Variants in SNX29 observed in about 807,000 individuals in gnomAD.
SNX29 encodes the protein sorting nexin-29.
SNX29 carries 78 observed loss-of-function variants against 102.1 expected under a neutral mutation model. That is an observed-to-expected ratio of 0.76 (90% CI 0.64 to 0.92). SNX29 has a LOEUF of 0.92. SNX29 is among the 40% of genes least tolerant of loss of function. The pLI is 0.00. For missense variants in SNX29, 1,280 were observed against 1,061.7 expected (o/e 1.21, Z -2.86); for synonymous variants, 580 against 414.5 (o/e 1.40, Z -4.85).
intron 16 of SNX29, among the ~76,000 whole-genome samples, chr16:12,396,045 C>T (rs1055545599): frequency 7.2e-5 from 11 of 152,150 alleles, no homozygotes; most frequent in African/African-American, 2.2e-4. Flanking sequence ...ACAAAATCTC[C>T]GGGTTTACTG....
At chr16:12,564,343 C>A (rs920636328) in intron 20 of SNX29, among the ~76,000 whole-genome samples, 1 of 152,198 alleles carries the variant, frequency 6.6e-6, no homozygotes, top group African/African-American at 2.4e-5. Context: ...TCAGTCATTT[C>A]AGGATGTCAA....
intron 14 of SNX29, among the ~76,000 whole-genome samples, chr16:12,256,190 T>G (rs2078567346): frequency 6.6e-6 from 1 of 152,252 alleles, no homozygotes; most frequent in Admixed American, 6.5e-5. Flanking sequence ...AATGTCTATT[T>G]GCATCCTGTG....
chr16:12,390,936 G>T (rs1042753715), intron 16 of SNX29, among the ~76,000 whole-genome samples: 1 of 151,556 alleles, frequency 6.6e-6, no homozygotes, highest in Admixed American at 6.6e-5. Flanking sequence ...GAAATAAATC[G>T]CAACAAATTG....
intron 5 of SNX29, among the ~76,000 whole-genome samples, chr16:12,044,833 G>A (rs1327900795): frequency 2.0e-5 from 3 of 152,088 alleles, no homozygotes; most frequent in Non-Finnish European, 4.4e-5. Flanking sequence ...CTCCCGCCTC[G>A]GCCTCCCGAC....
At chr16:12,323,714 G>A (rs1355144915) in intron 15 of SNX29, among the ~76,000 whole-genome samples, 1 of 152,068 alleles carries the variant, frequency 6.6e-6, no homozygotes, top group Non-Finnish European at 1.5e-5. Flanking sequence ...GGTGATTAAG[G>A]GTGTGGGCAC....
At position 12,344,915 on chromosome 16, in the gene SNX29, C is replaced by T. The variant is rs562739275; in HGVS notation, c.1783-11248C>T. Among the ~76,000 whole-genome samples, 45 of 152,338 alleles carry T rather than the reference C, an allele frequency of 3.0e-4. 1 individual carries two copies. Among genetic ancestry groups the T allele is most frequent in the Admixed American group, 7.2e-4 (11 of 15,308 alleles). ...CAGCAGAGCCTTTTTAAAGTAATTCCGGCCCCATTTTCACAGGCCTAGCCG... is the reference window on the plus strand; with the variant it reads ...CAGCAGAGCCTTTTTAAAGTAATTCTGGCCCCATTTTCACAGGCCTAGCCG... On this transcript the variant is annotated intron_variant, in intron 15 of 20. Coordinates refer to ENST00000566228, the MANE Select transcript of SNX29 (RefSeq NM_032167.5).
At chr16:12,204,529 C>T (rs188685897) in intron 14 of SNX29, among the ~76,000 whole-genome samples, 3 of 152,124 alleles carry the variant, frequency 2.0e-5, no homozygotes, top group Non-Finnish European at 4.4e-5. Context: ...ATTTTAAAGC[C>T]ACGAGCTCTC....
chr16:12,431,215 C>T (rs1045825851), intron 18 of SNX29, among the ~76,000 whole-genome samples: 6 of 151,970 alleles, frequency 3.9e-5, no homozygotes, highest in Non-Finnish European at 7.4e-5. Context: ...CTCTCCCAGG[C>T]CCCAAGACGA....
chr16:12,433,698 C>T (rs1441445778), intron 18 of SNX29, among the ~76,000 whole-genome samples: 1 of 150,660 alleles, frequency 6.6e-6, no homozygotes, highest in East Asian at 2.0e-4. Flanking sequence ...GTGGTGCGTG[C>T]CTGTAATCCC....
intron 8 of SNX29, chr16:12,060,883 T>C (rs1291031728): frequency 4.4e-6 from 2 of 456,074 alleles, no homozygotes; most frequent in Non-Finnish European, 8.8e-6. Context: ...TGGTTAATAA[T>C]TGAGCCGACT....
At chr16:12,538,296 T>C (rs2077169006) in intron 20 of SNX29, among the ~76,000 whole-genome samples, 1 of 151,732 alleles carries the variant, frequency 6.6e-6, no homozygotes, top group Admixed American at 6.6e-5. Context: ...TGTATTTTTG[T>C]TTTTTAGTAG....
In SNX29 at chr16:12,238,990, C is replaced by G. The variant is rs545086721; in HGVS notation, c.1679-38943C>G. Among the ~76,000 whole-genome samples the G allele has an allele frequency of 2.0e-5, 3 of 152,328 alleles. No individual in the cohort carries two copies. The East Asian group carries it at 5.8e-4, about 29-fold the overall frequency. ...ACAGGAAGGCCAAAAGGACTCTCCC[C>G]CGCTAACTGTCCTTCCTTTAAGGAG... On this transcript the variant is annotated intron_variant, in intron 14 of 20. Transcript: ENST00000566228.
At chr16:12,202,550 G>A (rs182795284) in intron 14 of SNX29, among the ~76,000 whole-genome samples, 45 of 152,308 alleles carry the variant, frequency 3.0e-4, no homozygotes, top group African/African-American at 1.1e-3. Context: ...GAACTTGCCT[G>A]GCAATTCCAC....
At chr16:12,536,064 A>AT (rs2077069298) in intron 20 of SNX29, among the ~76,000 whole-genome samples, 1 of 152,114 alleles carries the variant, frequency 6.6e-6, no homozygotes, top group Non-Finnish European at 1.5e-5. Flanking sequence ...CTTTGTCTTC[A>AT]TTCATCTAAC....
intron 20 of SNX29, among the ~76,000 whole-genome samples, chr16:12,563,682 G>C (rs761955239): frequency 7.9e-5 from 12 of 152,162 alleles, no homozygotes; most frequent in Non-Finnish European, 1.6e-4. Context: ...GCCCATGATG[G>C]GGTCTGGCCT....
At chr16:12,563,729 C>T (rs2865573) in intron 20 of SNX29, among the ~76,000 whole-genome samples, 1 of 152,114 alleles carries the variant, frequency 6.6e-6, no homozygotes, top group Non-Finnish European at 1.5e-5. Flanking sequence ...AGAGATGGCA[C>T]TGTCATTCTT....
At position 12,514,624 on chromosome 16, in the gene SNX29, G is replaced by T. The variant is rs185365715; in HGVS notation, c.2179-10078G>T. On this transcript the variant is annotated intron_variant, in intron 19 of 20. Transcript: ENST00000566228. ...TCATGCCTGTGATCCCAGCACTTTGGGAGGCCAAGACGGGCAAATCACTTG... is the reference window on the plus strand; with the variant it reads ...TCATGCCTGTGATCCCAGCACTTTGTGAGGCCAAGACGGGCAAATCACTTG... Among the ~76,000 whole-genome samples, 6 of 152,300 alleles carry T rather than the reference G, an allele frequency of 3.9e-5. No homozygotes were observed. In the East Asian group the frequency reaches 9.6e-4, roughly 24 times the overall value.
rs142157565 is a variant in SNX29, at chr16:12,555,055, CTGGT to C, written c.2319-13447_2319-13444del. ...GGTGCCACCGAGCAGCCTCAAGAGG[CTGGT>C]TGGAGTTGTGGGGAGGTGGAGGAAA... On this transcript the variant is annotated intron_variant, in intron 20 of 20. Transcript: ENST00000566228. 3.7e-4 allele frequency among the ~76,000 whole-genome samples: 56 copies of C among 151,584 alleles called. No individual in the cohort carries two copies. In the East Asian group the frequency reaches 8.6e-3, roughly 23 times the overall value.
At chr16:12,066,501 T>G (rs2051044093) in intron 9 of SNX29, among the ~76,000 whole-genome samples, 1 of 152,054 alleles carries the variant, frequency 6.6e-6, no homozygotes, top group Non-Finnish European at 1.5e-5. Flanking sequence ...TAGAAGGCAG[T>G]TAGAGATGTG....
Sources: allele counts gnomAD v4.1 joint callset (sites outside exome capture counted in the v4.1 genomes callset), GRCh38; gene constraint gnomAD v4.1.1; transcripts MANE v1.5; gene names NCBI Gene and HGNC (gene_info 2026-07-23, HGNC 2026-07-21).